Variants in RIMS2 observed in about 807,000 individuals in gnomAD.
The protein encoded by RIMS2 is regulating synaptic membrane exocytosis 2.
Under a neutral mutation model 174.4 loss-of-function variants are expected in RIMS2, and 59 were observed. The observed-to-expected ratio is 0.34, with a 90% CI of 0.27 to 0.42. The LOEUF (loss-of-function observed/expected upper bound fraction) is 0.42. Among genes scored for constraint, RIMS2 ranks in the 10% least tolerant of loss-of-function variants. The pLI is 1.00. For synonymous variants in RIMS2, 606 were observed against 572.5 expected (o/e 1.06, Z -0.84); for missense variants, 1,620 against 1,666.3 (o/e 0.97, Z 0.48).
At chr8:103,798,447 A>G (rs1472392944) in intron 3 of RIMS2, among the ~76,000 whole-genome samples, 4 of 152,192 alleles carry the variant, frequency 2.6e-5, no homozygotes, top group South Asian at 2.1e-4. Context: ...GCAAGTTTGT[A>G]TAGTATAGAC....
At chr8:103,819,417 G>A (rs913149114) in intron 3 of RIMS2, 27 of 1,584,064 alleles carry the variant, frequency 1.7e-5, no homozygotes, top group Non-Finnish European at 2.3e-5. Flanking sequence ...AACTTGATTG[G>A]CGTGTTTTTA....
chr8:103,877,536 G>T (rs1176489114), intron 3 of RIMS2, among the ~76,000 whole-genome samples: 1 of 151,468 alleles, frequency 6.6e-6, no homozygotes, highest in Non-Finnish European at 1.5e-5. Context: ...TGTTTTGTTG[G>T]TTATAGGTAT....
At chr8:103,905,072 T>A (rs1277406944) in intron 4 of RIMS2, among the ~76,000 whole-genome samples, 3 of 152,108 alleles carry the variant, frequency 2.0e-5, no homozygotes, top group Admixed American at 2.0e-4. Flanking sequence ...GTCTTAAATA[T>A]TTTCTTTATA....
intron 2 of RIMS2, among the ~76,000 whole-genome samples, chr8:103,717,198 T>G (rs1300545321): frequency 2.0e-5 from 3 of 150,220 alleles, no homozygotes; most frequent in Non-Finnish European, 4.4e-5. Context: ...CTCCAAGTCT[T>G]TAGTTACTCA....
intron 1 of RIMS2, among the ~76,000 whole-genome samples, chr8:103,666,262 A>T (rs1204490028): frequency 6.6e-6 from 1 of 152,240 alleles, no homozygotes; most frequent in Non-Finnish European, 1.5e-5. Flanking sequence ...AGTGATTGGT[A>T]CAAGAGTAAG....
At chr8:103,684,111 C>T (rs917001374) in intron 1 of RIMS2, among the ~76,000 whole-genome samples, 1 of 152,068 alleles carries the variant, frequency 6.6e-6, no homozygotes, top group Admixed American at 6.6e-5. Flanking sequence ...AAATTTACCT[C>T]TTTTTTGTAT....
chr8:103,853,639 A>G (rs1209192618), intron 3 of RIMS2, among the ~76,000 whole-genome samples: 3 of 152,118 alleles, frequency 2.0e-5, no homozygotes, highest in Non-Finnish European at 4.4e-5. Flanking sequence ...TTGAGTAGGG[A>G]GTTCATTACC....
chr8:103,881,718 G>T (rs1389995351), intron 3 of RIMS2, among the ~76,000 whole-genome samples: 1 of 151,456 alleles, frequency 6.6e-6, no homozygotes, highest in Non-Finnish European at 1.5e-5. Context: ...TTGTAAGCAA[G>T]GAATAGAAAT....
At chr8:104,125,138 A>G (rs547391940) in intron 19 of RIMS2, among the ~76,000 whole-genome samples, 35 of 152,302 alleles carry the variant, frequency 2.3e-4, no homozygotes, top group Non-Finnish European at 4.1e-4. Context: ...CTATGTCTGC[A>G]TACATATAAA....
chr8:104,069,657 C>T (rs2097164627), intron 19 of RIMS2, among the ~76,000 whole-genome samples: 1 of 151,414 alleles, frequency 6.6e-6, no homozygotes, highest in Non-Finnish European at 1.5e-5. Context: ...TTAGGAGAGA[C>T]GAGGTTTCAC....
chr8:103,835,830 T>C (rs1323114826), intron 3 of RIMS2, among the ~76,000 whole-genome samples: 1 of 152,242 alleles, frequency 6.6e-6, no homozygotes, highest in Admixed American at 6.5e-5. Context: ...ATCACTGTAT[T>C]ATCAGAGTAT....
At chr8:104,188,181 G>A (rs976505213) in intron 19 of RIMS2, among the ~76,000 whole-genome samples, 15 of 151,418 alleles carry the variant, frequency 9.9e-5, no homozygotes, top group African/African-American at 2.7e-4. Context: ...TAGGGAAGGC[G>A]AAGTAGGAAT....
chr8:103,983,127 A>G (rs995711596), intron 16 of RIMS2, among the ~76,000 whole-genome samples: 5 of 152,216 alleles, frequency 3.3e-5, no homozygotes, highest in African/African-American at 7.2e-5. Context: ...AGAAATCAAG[A>G]AAGTAATTCC....
intron 1 of RIMS2, among the ~76,000 whole-genome samples, chr8:103,601,917 T>A (rs946540642): frequency 3.9e-5 from 6 of 152,160 alleles, no homozygotes; most frequent in Non-Finnish European, 7.4e-5. Flanking sequence ...ACAAACAAAC[T>A]TGACAAAATC....
chr8:104,014,170 G>C (rs1237342578), intron 18 of RIMS2, among the ~76,000 whole-genome samples: 1 of 152,056 alleles, frequency 6.6e-6, no homozygotes, highest in Admixed American at 6.6e-5. Context: ...TTTGAAATCT[G>C]GTAGAAAGAA....
chr8:104,008,328 A>G (rs1220009126), intron 17 of RIMS2, among the ~76,000 whole-genome samples: 3 of 151,986 alleles, frequency 2.0e-5, no homozygotes, highest in Non-Finnish European at 4.4e-5. Context: ...TTTATATTTT[A>G]AAGATTTATT....
chr8:103,773,726 A>G (rs2098279020), intron 3 of RIMS2, among the ~76,000 whole-genome samples: 1 of 151,234 alleles, frequency 6.6e-6, no homozygotes, highest in South Asian at 2.1e-4. Flanking sequence ...GCAAAACTCC[A>G]TCTAAAAAAA....
intron 19 of RIMS2, chr8:104,094,534 A>G: frequency 1.4e-6 from 1 of 701,768 alleles, no homozygotes; most frequent in South Asian, 1.5e-5. Context: ...GAGATAGTTC[A>G]TGAGAAGGAA....
intron 19 of RIMS2, among the ~76,000 whole-genome samples, chr8:104,084,317 T>C (rs1237064901): frequency 6.6e-6 from 1 of 151,258 alleles, no homozygotes; most frequent in Admixed American, 6.6e-5. Context: ...GGCAGGCACC[T>C]GTAATCCCAG....
Sources: gnomAD v4.1 joint callset for allele counts (sites outside exome capture counted in the v4.1 genomes callset) on GRCh38, gnomAD v4.1.1 for gene constraint, MANE v1.5 for transcripts, NCBI Gene and HGNC (gene_info 2026-07-23, HGNC 2026-07-21) for gene names.